Variants in IDNK observed in about 807,000 individuals in gnomAD.
IDNK encodes gluconokinase.
Under a neutral mutation model 13.0 loss-of-function variants are expected in IDNK, and 9 were observed. The ratio of observed to expected loss-of-function variants is 0.69; its 90% CI spans 0.42 to 1.21. IDNK has a LOEUF of 1.21. Among genes scored for constraint, IDNK ranks in the 50% most tolerant of loss-of-function variants. The pLI is 0.00. For missense variants in IDNK, 210 were observed against 237.8 expected (o/e 0.88, Z 0.77); for synonymous variants, 92 against 94.9 (o/e 0.97, Z 0.18).
intron 3 of IDNK, among the ~76,000 whole-genome samples, chr9:83,633,069 G>A (rs930063176): frequency 1.7e-4 from 26 of 151,342 alleles, no homozygotes; most frequent in African/African-American, 6.1e-4. Flanking sequence ...TCCAGGCGCA[G>A]TGGCTCACGC....
At chr9:83,631,433 C>G (rs1477289565) in intron 3 of IDNK, among the ~76,000 whole-genome samples, 1 of 103,066 alleles carries the variant, frequency 9.7e-6, no homozygotes, top group Non-Finnish European at 1.8e-5. Flanking sequence ...ATAGCAAGTC[C>G]CTGCCTCTAC....
chr9:83,623,398 C>G, intron 1 of IDNK, 177 bp downstream of exon 1: 1 of 638,600 alleles, frequency 1.6e-6, no homozygotes, highest in Non-Finnish European at 2.6e-6. Flanking sequence ...CTCCAGCCTG[C>G]TCGCGGGGCG....
intron 3 of IDNK, among the ~76,000 whole-genome samples, chr9:83,630,792 T>A (rs1350439783): frequency 1.3e-5 from 2 of 152,198 alleles, no homozygotes; most frequent in Non-Finnish European, 2.9e-5. Flanking sequence ...GTAGTCTTCC[T>A]CTTCTTCACA....
Position 83,628,910 on chromosome 9 carries a change from C to T in IDNK, c.119C>T (p.Pro40Leu), listed in dbSNP as rs1214436517. 1.4e-5 allele frequency: 22 copies of T among 1,613,946 alleles called. No individual in the cohort carries two copies. The highest frequency in any genetic ancestry group is 4.0e-5 in the African/African-American group (3 of 74,904). Reference sequence around the variant, plus strand: ...TTCTATGATGCTGATGATTATCACCCGGAGGAAAATCGAAGGAAGATGGGA... The same window carrying T: ...TTCTATGATGCTGATGATTATCACCTGGAGGAAAATCGAAGGAAGATGGGA... ...WKFYDADDYH[P>L]EENRRKMGKG... Residue 40 changes from proline (P) to leucine (L), a missense_variant, in exon 3 of 5, where the codon CCG becomes CTG. Coordinates refer to ENST00000376419, the MANE Select transcript of IDNK (RefSeq NM_001001551.4).
intron 2 of IDNK, 133 bp downstream of exon 2, chr9:83,628,344 T>C (rs1434549091): frequency 8.8e-6 from 7 of 796,380 alleles, no homozygotes; most frequent in Admixed American, 2.1e-5. Context: ...ATTTTGTTTT[T>C]CTCCTTGGTG....
intron 3 of IDNK, among the ~76,000 whole-genome samples, chr9:83,631,969 G>GGA (rs1554723485): frequency 4.7e-5 from 7 of 147,464 alleles, no homozygotes; most frequent in African/African-American, 1.7e-4. Flanking sequence ...CTTTTTTTGG[G>GGA]AAAAAAAAAA....
chr9:83,638,940 T>C (rs538369939), intron 3 of IDNK, among the ~76,000 whole-genome samples: 4 of 152,282 alleles, frequency 2.6e-5, no homozygotes, highest in African/African-American at 9.6e-5. Flanking sequence ...AGTAAGAATA[T>C]AGAAGATTTG....
intron 3 of IDNK, among the ~76,000 whole-genome samples, chr9:83,632,720 G>C (rs1366814407): frequency 1.3e-5 from 2 of 152,186 alleles, no homozygotes; most frequent in African/African-American, 4.8e-5. Flanking sequence ...CAGAGCCATA[G>C]GCAGAGATGC....
chr9:83,629,002 G>A, intron 3 of IDNK, 43 bp downstream of exon 3: 2 of 1,495,478 alleles, frequency 1.3e-6, no homozygotes, highest in Non-Finnish European at 1.9e-6. Context: ...TTCCACCTGG[G>A]TGACAGGATG....
At chr9:83,626,103 C>A (rs1313421387) in intron 1 of IDNK, among the ~76,000 whole-genome samples, 5 of 152,196 alleles carry the variant, frequency 3.3e-5, no homozygotes, top group Non-Finnish European at 7.3e-5. Context: ...TCCTTCTCCC[C>A]CATTGGTCTG....
At chr9:83,638,066 C>T (rs982331656) in intron 3 of IDNK, among the ~76,000 whole-genome samples, 1 of 151,760 alleles carries the variant, frequency 6.6e-6, no homozygotes, top group Non-Finnish European at 1.5e-5. Context: ...TGAAACTGCC[C>T]GTGAAAGTGT....
chr9:83,631,471 G>A (rs563820599), intron 3 of IDNK, among the ~76,000 whole-genome samples: 165 of 24,474 alleles, frequency 6.7e-3, no homozygotes, highest in Non-Finnish European at 8.8e-3. Flanking sequence ...AAAAAAAAAA[G>A]GCTGGTGGTG....
At chr9:83,628,482 C>A (rs886221290) in intron 2 of IDNK, among the ~76,000 whole-genome samples, 5 of 152,120 alleles carry the variant, frequency 3.3e-5, no homozygotes, top group Non-Finnish European at 7.4e-5. Context: ...AACCCCATCT[C>A]TACTAAAAAT....
intron 4 of IDNK, among the ~76,000 whole-genome samples, chr9:83,642,352 C>T (rs1413916838): frequency 6.6e-6 from 1 of 152,020 alleles, no homozygotes; most frequent in African/African-American, 2.4e-5. Flanking sequence ...TTTTCACACC[C>T]GTTGACATGG....
intron 3 of IDNK, among the ~76,000 whole-genome samples, chr9:83,637,672 C>A (rs1479212785): frequency 6.6e-6 from 1 of 152,210 alleles, no homozygotes; most frequent in Non-Finnish European, 1.5e-5. Context: ...CCCACTCCCC[C>A]ACATTTTTTG....
intron 3 of IDNK, among the ~76,000 whole-genome samples, chr9:83,632,097 C>A (rs1451855910): frequency 1.3e-5 from 2 of 152,076 alleles, no homozygotes; most frequent in Non-Finnish European, 2.9e-5. Flanking sequence ...CCAAAAATAT[C>A]TATGAATTGA....
chr9:83,623,123 CG>C, upstream of IDNK: 1 of 1,395,428 alleles, frequency 7.2e-7, no homozygotes, highest in Non-Finnish European at 9.3e-7. Context: ...CCGGGTAGGC[CG>C]GGGCCGGCGG....
intron 3 of IDNK, among the ~76,000 whole-genome samples, chr9:83,631,740 T>C (rs1447308672): frequency 1.3e-5 from 2 of 152,192 alleles, no homozygotes; most frequent in African/African-American, 2.4e-5. Context: ...AGCACAGCTA[T>C]AGAACATCAT....
At chr9:83,629,335 C>A (rs1279021212) in intron 3 of IDNK, among the ~76,000 whole-genome samples, 1 of 152,216 alleles carries the variant, frequency 6.6e-6, no homozygotes. Flanking sequence ...CTAGCATTCA[C>A]CCTAAAGCCA....
Sources: allele counts gnomAD v4.1 joint callset (sites outside exome capture counted in the v4.1 genomes callset), GRCh38; gene constraint gnomAD v4.1.1; transcripts MANE v1.5; gene names NCBI Gene and HGNC (gene_info 2026-07-23, HGNC 2026-07-21).